Variants in TEAD1 observed in about 807,000 individuals in gnomAD.
TEAD1 encodes transcriptional enhancer factor TEF-1.
A neutral mutation model predicts 54.9 loss-of-function variants in TEAD1; 9 were observed. The observed-to-expected ratio is 0.16, with a 90% confidence interval of 0.10 to 0.29. TEAD1 has a LOEUF of 0.29. Ranked by LOEUF, TEAD1 falls within the 10% of genes least tolerant of loss-of-function variation. The probability of loss-of-function intolerance (pLI) is 1.00; values close to 1 mark genes in which losing one functional copy is unlikely to be tolerated. For missense variants in TEAD1, 387 were observed against 535.9 expected, an observed-to-expected ratio of 0.72 and a Z score of 2.74; for synonymous variants, 200 against 187.8, an observed-to-expected ratio of 1.07 and a Z score of -0.53.
chr11:12,810,534 C>G (rs1443484738), intron 3 of TEAD1, among the ~76,000 whole-genome samples: 1 of 152,158 alleles, frequency 6.6e-6, no homozygotes, highest in African/African-American at 2.4e-5. Flanking sequence ...CTTGCTGAGA[C>G]ACATCCTCCC....
chr11:12,702,090 A>G (rs550057197), intron 2 of TEAD1, among the ~76,000 whole-genome samples: 4 of 152,302 alleles, frequency 2.6e-5, no homozygotes, highest in Admixed American at 1.3e-4. Context: ...GATAGAGCCA[A>G]CTGATGTTAC....
chr11:12,914,101 C>T (rs963742788), intron 10 of TEAD1, among the ~76,000 whole-genome samples: 1 of 152,186 alleles, frequency 6.6e-6, no homozygotes, highest in African/African-American at 2.4e-5. Context: ...TAGTGGTCAC[C>T]TGAAGTTGTG....
In TEAD1 at chr11:12,940,449, A is replaced by G. The variant is rs1269936609; in HGVS notation, c.*3227A>G. On this transcript the variant is annotated 3_prime_UTR_variant, in exon 13 of 13. Coordinates refer to ENST00000527636, the MANE Select transcript of TEAD1 (RefSeq NM_021961.6). ...TGTTGCCCAAGATGTTACAGGTCAC[A>G]ATGACCACATTTGAAATTGTTTTCC... 1 of 152,224 alleles carries G rather than the reference A, an allele frequency of 6.6e-6. No individual in the cohort carries two copies. Among genetic ancestry groups the G allele is most frequent in the Non-Finnish European group, 1.5e-5 (1 of 68,036 alleles). The allele number at this position is 152,224 out of a possible 1,614,324, so 9.4% of individuals were successfully genotyped here.
chr11:12,898,962 G>A (rs140544277), intron 9 of TEAD1, among the ~76,000 whole-genome samples: 13 of 152,274 alleles, frequency 8.5e-5, no homozygotes, highest in African/African-American at 2.4e-5. Flanking sequence ...TGTCAGGGCC[G>A]TGGTTCCCAT....
intron 3 of TEAD1, among the ~76,000 whole-genome samples, chr11:12,807,405 G>C (rs911882036): frequency 1.3e-5 from 2 of 152,138 alleles, no homozygotes; most frequent in African/African-American, 4.8e-5. Flanking sequence ...GTGGATACGT[G>C]GGTCCTGAAA....
intron 2 of TEAD1, among the ~76,000 whole-genome samples, chr11:12,714,614 G>T (rs1944015197): frequency 6.6e-6 from 1 of 152,144 alleles, no homozygotes; most frequent in African/African-American, 2.4e-5. Flanking sequence ...CATTTATTTA[G>T]TCATTCATTC....
At chr11:12,872,085 C>G (rs1947757668) in intron 5 of TEAD1, among the ~76,000 whole-genome samples, 1 of 152,224 alleles carries the variant, frequency 6.6e-6, no homozygotes, top group Admixed American at 6.5e-5. Flanking sequence ...TTCCAATAGG[C>G]AGAGAGCTTA....
At chr11:12,777,086 C>T (rs1039726366) in intron 3 of TEAD1, among the ~76,000 whole-genome samples, 6 of 151,880 alleles carry the variant, frequency 4.0e-5, no homozygotes, top group Non-Finnish European at 8.8e-5. Flanking sequence ...AACCACCGCA[C>T]CCAGCCTTAT....
intron 5 of TEAD1, among the ~76,000 whole-genome samples, chr11:12,871,006 C>G (rs1389405568): frequency 1.3e-5 from 2 of 152,202 alleles, no homozygotes; most frequent in Non-Finnish European, 2.9e-5. Context: ...GTGTTTGTCT[C>G]CTACTCAGAC....
chr11:12,834,626 T>TTGTG (rs1222299741), intron 3 of TEAD1, among the ~76,000 whole-genome samples: 1 of 152,156 alleles, frequency 6.6e-6, no homozygotes, highest in Admixed American at 6.6e-5. Context: ...GTTTGTTTGT[T>TTGTG]TGTGTGTTGT....
At chr11:12,763,859 G>A (rs187828530) in intron 2 of TEAD1, among the ~76,000 whole-genome samples, 169 of 152,210 alleles carry the variant, frequency 1.1e-3, no homozygotes, top group African/African-American at 4.0e-3. Context: ...ATTTCCTCTC[G>A]TCTGTGAAGA....
chr11:12,747,292 A>G (rs1341671332), intron 2 of TEAD1, among the ~76,000 whole-genome samples: 1 of 152,128 alleles, frequency 6.6e-6, no homozygotes, highest in Non-Finnish European at 1.5e-5. Flanking sequence ...GAAGGTGGAT[A>G]TATTAGCAGT....
intron 2 of TEAD1, among the ~76,000 whole-genome samples, chr11:12,701,438 T>G (rs1477817275): frequency 6.6e-6 from 1 of 152,152 alleles, no homozygotes; most frequent in East Asian, 1.9e-4. Flanking sequence ...TTTGCCTTTC[T>G]TTTGATCTTG....
rs750010078 is a variant in TEAD1 at position 12,883,019 on chromosome 11, C to A, written c.593C>A (p.Ala198Asp). ...CTTTCAGGGTTTGAGCCTGCATCGGCCCCAGCTCCCTCAGTCCCTGCCTGG... is the reference window on the plus strand; with the variant it reads ...CTTTCAGGGTTTGAGCCTGCATCGGACCCAGCTCCCTCAGTCCCTGCCTGG... Residue 198 changes from alanine (A) to aspartate (D), a missense_variant, in exon 9 of 13, where the codon GCC (alanine) becomes GAC (aspartate). Around this residue, in one of 5 missense-constraint regions of TEAD1, gnomAD observed 180 missense variants for 180.6 expected, o/e 1.00. Transcript: ENST00000527636. The A allele has an allele frequency of 2.5e-6, 4 of 1,614,176 alleles. No individual in the cohort carries two copies. In the South Asian group the frequency reaches 4.4e-5, roughly 18 times the overall value.
chr11:12,715,509 C>T (rs1273573985), intron 2 of TEAD1, among the ~76,000 whole-genome samples: 1 of 152,088 alleles, frequency 6.6e-6, no homozygotes, highest in South Asian at 2.1e-4. Flanking sequence ...CCCAGGTGTT[C>T]TGCTCCTGGG....
At chr11:12,894,280 A>G (rs10831917) in intron 9 of TEAD1, among the ~76,000 whole-genome samples, 77,366 of 151,980 alleles carry the variant, frequency 0.51, 20,921 homozygotes, top group Middle Eastern at 0.63. Flanking sequence ...GGTGCAGTGC[A>G]GGACCCGGTG....
intron 9 of TEAD1, among the ~76,000 whole-genome samples, chr11:12,888,242 C>A (rs575738591): frequency 1.3e-5 from 2 of 152,330 alleles, no homozygotes; most frequent in Non-Finnish European, 1.5e-5. Flanking sequence ...GGTGTGATGG[C>A]TCACGCCTGT....
At position 12,730,694 on chromosome 11, in the gene TEAD1, C is replaced by CTTTT. The variant is rs71313457; in HGVS notation, c.-54-33465_-54-33462dup. On this transcript the variant is annotated intron_variant, in intron 2 of 12. Coordinates refer to ENST00000527636, the MANE Select transcript of TEAD1 (RefSeq NM_021961.6). ...GCCTACAGTGCTTTTCTACATAGCT[C>CTTTT]TTTTTTTTTTTTTTTTTTTTTTTGG... 6.2e-3 allele frequency among the ~76,000 whole-genome samples: 409 copies of CTTTT among 65,604 alleles called. 18 individuals are homozygous for CTTTT. Among genetic ancestry groups the CTTTT allele is most frequent in the African/African-American group, 0.01 (156 of 15,466 alleles). 43.0% of individuals were successfully genotyped at this position (65,604 alleles called of 152,430 possible).
intron 3 of TEAD1, among the ~76,000 whole-genome samples, chr11:12,846,536 T>C (rs934556802): frequency 1.3e-5 from 2 of 151,898 alleles, no homozygotes; most frequent in African/African-American, 4.8e-5. Flanking sequence ...TTCTGTGTGG[T>C]GAATGAGCTT....
Sources: allele counts gnomAD v4.1 joint callset (sites outside exome capture counted in the v4.1 genomes callset), GRCh38; gene constraint gnomAD v4.1.1; regional missense constraint gnomAD v4.1.1; transcripts MANE v1.5; gene names NCBI Gene and HGNC (gene_info 2026-07-23, HGNC 2026-07-21).